The following C12orf54 variants were observed in gnomAD, a reference collection of about 807,000 sequenced individuals.
C12orf54 encodes the protein chromosome 12 open reading frame 54, also known as uncharacterized protein C12orf54.
Under a neutral mutation model 26.4 loss-of-function variants are expected in C12orf54, and 24 were observed. That is an observed-to-expected ratio of 0.91 (90% CI 0.66 to 1.28). The LOEUF is 1.28. Among genes scored for constraint, C12orf54 ranks in the 50% most tolerant of loss-of-function variants. The pLI, the probability that C12orf54 is intolerant of heterozygous loss-of-function variation, is 0.00. For missense variants in C12orf54, 154 were observed against 150.9 expected, an observed-to-expected ratio of 1.02 and a Z score of -0.11; for synonymous variants, 54 against 47.0, an observed-to-expected ratio of 1.15 and a Z score of -0.61.
the C12orf54 span, among the ~76,000 whole-genome samples, chr12:48,452,643 A>T: frequency 6.6e-6 from 1 of 152,216 alleles, no homozygotes; most frequent in Non-Finnish European, 1.5e-5. Context: ...TAAGGAACTT[A>T]AACAAATTTA....
At chr12:48,488,499 A>C (rs1937709647) in intron 4 of C12orf54, 5 of 384,982 alleles carry the variant, frequency 1.3e-5, no homozygotes, top group Non-Finnish European at 2.0e-5. Context: ...AAAAAAAGAA[A>C]GAAAGAAAAG....
chr12:48,445,001 G>T, the C12orf54 span, among the ~76,000 whole-genome samples: 3 of 151,944 alleles, frequency 2.0e-5, no homozygotes, highest in African/African-American at 4.8e-5. Context: ...TGAAACCCTG[G>T]CTCTACTAAA....
At chr12:48,439,086 C>T in the C12orf54 span, among the ~76,000 whole-genome samples, 6 of 151,070 alleles carry the variant, frequency 4.0e-5, no homozygotes, top group East Asian at 5.8e-4. Context: ...CCCATCAAAA[C>T]GTGGGCAAAC....
At chr12:48,466,347 G>A in the C12orf54 span, among the ~76,000 whole-genome samples, 1 of 152,144 alleles carries the variant, frequency 6.6e-6, no homozygotes, top group African/African-American at 2.4e-5. Flanking sequence ...AGTTCGGGAC[G>A]ATCCTGGCCC....
At chr12:48,443,959 C>A in the C12orf54 span, among the ~76,000 whole-genome samples, 19 of 152,194 alleles carry the variant, frequency 1.2e-4, no homozygotes, top group Non-Finnish European at 1.8e-4. Context: ...GGAATCGAGT[C>A]CATACTACCT....
the C12orf54 span, among the ~76,000 whole-genome samples, chr12:48,441,579 G>T: frequency 1.3e-5 from 2 of 152,164 alleles, no homozygotes; most frequent in African/African-American, 4.8e-5. Flanking sequence ...GGGTGGGGAG[G>T]TGAGGGTGGA....
the C12orf54 span, among the ~76,000 whole-genome samples, chr12:48,444,854 G>T: frequency 6.6e-6 from 1 of 152,134 alleles, no homozygotes; most frequent in African/African-American, 2.4e-5. Context: ...AGTCACAAAG[G>T]TTGCTCCAAA....
At chr12:48,458,596 C>A in the C12orf54 span, among the ~76,000 whole-genome samples, 12 of 152,130 alleles carry the variant, frequency 7.9e-5, no homozygotes, top group Admixed American at 7.9e-4. Flanking sequence ...ATTTTATTCC[C>A]AATTTGTATC....
the C12orf54 span, among the ~76,000 whole-genome samples, chr12:48,455,015 TGC>T: frequency 6.6e-6 from 1 of 152,168 alleles, no homozygotes; most frequent in Admixed American, 6.5e-5. Flanking sequence ...GTGGGTAAAT[TGC>T]GTGTCACTGG....
chr12:48,419,811 A>C, the C12orf54 span, among the ~76,000 whole-genome samples: 4 of 152,130 alleles, frequency 2.6e-5, no homozygotes, highest in East Asian at 7.7e-4. Flanking sequence ...GCCCCAGTAA[A>C]CCTTCACACA....
At chr12:48,468,552 G>T in the C12orf54 span, among the ~76,000 whole-genome samples, 8 of 152,014 alleles carry the variant, frequency 5.3e-5, no homozygotes, top group African/African-American at 1.9e-4. Context: ...TGGATCGAAA[G>T]TACAAGGACC....
rs370921531 is a variant in C12orf54 at position 48,486,163 on chromosome 12, A to G, written c.66-15A>G. 234 of 1,606,712 alleles carry G rather than the reference A, an allele frequency of 1.5e-4. 3 individuals are homozygous for G. The East Asian group carries it at 2.6e-3, about 18-fold the overall frequency. ...CTGTGCTCCTCATCAGGTTTATATC[A>G]TTCTTTCTTTGCAGCACATCCATAG... On this transcript the variant is annotated splice_polypyrimidine_tract_variant and intron_variant, in intron 2 of 8. Transcript: ENST00000548364.
the C12orf54 span, among the ~76,000 whole-genome samples, chr12:48,422,875 G>A: frequency 1.3e-5 from 2 of 152,114 alleles, no homozygotes; most frequent in East Asian, 3.9e-4. Context: ...AGAAAGGGAT[G>A]AAAAGGATCA....
chr12:48,486,123 G>T, intron 2 of C12orf54, 55 bp from the exon 3 acceptor site: 1 of 1,513,248 alleles, frequency 6.6e-7, no homozygotes, highest in Non-Finnish European at 9.2e-7. Flanking sequence ...TTAGGAGAAG[G>T]CTTTAGCCCA....
At chr12:48,422,798 AT>A in the C12orf54 span, among the ~76,000 whole-genome samples, 1 of 152,126 alleles carries the variant, frequency 6.6e-6, no homozygotes. Flanking sequence ...TTAGAATCCT[AT>A]TTTTTCATGA....
the C12orf54 span, among the ~76,000 whole-genome samples, chr12:48,463,179 G>A: frequency 1.3e-5 from 2 of 151,916 alleles, no homozygotes; most frequent in East Asian, 1.9e-4. Context: ...TAAATCTAAC[G>A]AAAGATGTGC....
At chr12:48,459,059 C>T in the C12orf54 span, among the ~76,000 whole-genome samples, 3 of 152,096 alleles carry the variant, frequency 2.0e-5, no homozygotes, top group African/African-American at 7.2e-5. Flanking sequence ...TTTTTCTGCA[C>T]CAAAATCTTC....
intron 6 of C12orf54, among the ~76,000 whole-genome samples, chr12:48,492,129 T>G (rs1221594557): frequency 6.6e-6 from 1 of 152,168 alleles, no homozygotes. Context: ...ATCTGGAGAT[T>G]CTGACTACTC....
the C12orf54 span, among the ~76,000 whole-genome samples, chr12:48,451,346 A>G: frequency 6.6e-6 from 1 of 152,206 alleles, no homozygotes; most frequent in South Asian, 2.1e-4. Context: ...ACCTCAAAAT[A>G]ATAAGGGCCA....
Sources: gnomAD v4.1 joint callset for allele counts (sites outside exome capture counted in the v4.1 genomes callset) on GRCh38, gnomAD v4.1.1 for gene constraint, MANE v1.5 for transcripts, NCBI Gene and HGNC (gene_info 2026-07-23, HGNC 2026-07-21) for gene names.